Variants in LRRC20 observed in about 807,000 individuals in gnomAD.
LRRC20 encodes the protein leucine-rich repeat-containing protein 20.
LRRC20 carries 11 observed loss-of-function variants against 14.4 expected under a neutral mutation model. That is an observed-to-expected ratio of 0.77 (90% confidence interval 0.48 to 1.27). The LOEUF (loss-of-function observed/expected upper bound fraction) is 1.27, where lower values mean the gene tolerates loss of function less well. Ranked by LOEUF, LRRC20 falls within the 50% of genes most tolerant of loss-of-function variation. The pLI is 0.00. For synonymous variants in LRRC20, 121 were observed against 107.3 expected (o/e 1.13, Z -0.79); for missense variants, 219 against 251.2 (o/e 0.87, Z 0.87).
At chr10:70,350,468 A>G (rs1843258541) in intron 2 of LRRC20, among the ~76,000 whole-genome samples, 1 of 152,236 alleles carries the variant, frequency 6.6e-6, no homozygotes, top group African/African-American at 2.4e-5. Flanking sequence ...GTTAATTCTA[A>G]TGAATGCTTG....
chr10:70,338,557 A>G (rs1391819709), intron 3 of LRRC20, among the ~76,000 whole-genome samples: 1 of 152,146 alleles, frequency 6.6e-6, no homozygotes. Flanking sequence ...GGTTGTTTCC[A>G]CTTTCCAGCT....
chr10:70,315,850 G>A (rs1026194425), intron 4 of LRRC20, among the ~76,000 whole-genome samples: 1 of 152,174 alleles, frequency 6.6e-6, no homozygotes, highest in African/African-American at 2.4e-5. Flanking sequence ...TTCGTTCAGT[G>A]ACCCTATGAT....
At position 70,374,207 on chromosome 10, in the gene LRRC20, G is replaced by A. The variant is rs564855239; in HGVS notation, c.82+2245C>T. On this transcript the variant is annotated intron_variant, in intron 2 of 4. Transcript: ENST00000446961. ...GCCTGTCTCCTCACCGCTGCCTCCT[G>A]AAACATCCTCTCTCAAACAGCACCC... Among the ~76,000 whole-genome samples, 4 of 152,216 alleles carry A rather than the reference G, an allele frequency of 2.6e-5. No homozygotes were observed. The South Asian group carries it at 8.3e-4, about 32-fold the overall frequency.
At chr10:70,366,597 T>C (rs1844010157) in intron 2 of LRRC20, among the ~76,000 whole-genome samples, 1 of 152,052 alleles carries the variant, frequency 6.6e-6, no homozygotes, top group Non-Finnish European at 1.5e-5. Context: ...GTAAAAAACA[T>C]ACCGAGTGTT....
chr10:70,306,030 T>C (rs1478261302), intron 4 of LRRC20, among the ~76,000 whole-genome samples: 2 of 152,108 alleles, frequency 1.3e-5, no homozygotes, highest in African/African-American at 4.8e-5. Flanking sequence ...CGTGAGCCAC[T>C]GCGCCCGACC....
chr10:70,343,782 A>G (rs1842991584), intron 2 of LRRC20, among the ~76,000 whole-genome samples: 1 of 152,232 alleles, frequency 6.6e-6, no homozygotes. Flanking sequence ...TTTGGGTAGG[A>G]GTAGGCAGAT....
intron 3 of LRRC20, among the ~76,000 whole-genome samples, chr10:70,339,406 G>C (rs1001526856): frequency 6.6e-6 from 1 of 152,196 alleles, no homozygotes; most frequent in African/African-American, 2.4e-5. Flanking sequence ...TGTGAGGAAG[G>C]CTCCTGGAAG....
intron 1 of LRRC20, among the ~76,000 whole-genome samples, chr10:70,380,064 G>A (rs1844650750): frequency 6.6e-6 from 1 of 152,116 alleles, no homozygotes; most frequent in East Asian, 1.9e-4. Context: ...CACAAGCCAC[G>A]GACCTATGCC....
chr10:70,324,752 G>A (rs181762190), intron 3 of LRRC20, among the ~76,000 whole-genome samples: 11 of 152,286 alleles, frequency 7.2e-5, no homozygotes, highest in Non-Finnish European at 1.5e-4. Flanking sequence ...GAGGAGAGCT[G>A]GGGGGCAGGA....
At chr10:70,353,477 G>A (rs562343594) in intron 2 of LRRC20, among the ~76,000 whole-genome samples, 1 of 152,214 alleles carries the variant, frequency 6.6e-6, no homozygotes, top group South Asian at 2.1e-4. Context: ...GAGTGCAGTG[G>A]TGTAATCTCG....
rs115414638 is a variant in LRRC20, at chr10:70,355,580, A to G, written c.83-14878T>C. ...TTCTGAGACGTGGGGAAACCACTCA[A>G]CTTGAAAGTGCCAGTGGGTTTAGGG... On this transcript the variant is annotated intron_variant, in intron 2 of 4. Coordinates refer to ENST00000446961, the MANE Select transcript of LRRC20 (RefSeq NM_001278212.2). Among the ~76,000 whole-genome samples, 1,367 of 152,356 alleles carry G rather than the reference A, an allele frequency of 9.0e-3. 20 individuals carry two copies. Among genetic ancestry groups the G allele is most frequent in the African/African-American group, 0.031 (1,269 of 41,588 alleles).
intron 2 of LRRC20, among the ~76,000 whole-genome samples, chr10:70,347,647 C>A: frequency 6.6e-6 from 1 of 151,960 alleles, no homozygotes. Context: ...TGGTGAAACC[C>A]CATCTTTACT....
At chr10:70,364,272 G>T (rs1463019640) in intron 2 of LRRC20, among the ~76,000 whole-genome samples, 1 of 152,180 alleles carries the variant, frequency 6.6e-6, no homozygotes, top group Non-Finnish European at 1.5e-5. Context: ...ACCCCACCAG[G>T]CCAGAAAAGC....
chr10:70,318,757 G>A (rs200127384), intron 4 of LRRC20, among the ~76,000 whole-genome samples: 20 of 148,662 alleles, frequency 1.3e-4, no homozygotes, highest in African/African-American at 1.2e-4. Context: ...CCATCTCAAA[G>A]AAAAAAAAAA....
At chr10:70,321,004 G>A (rs1296446701) in intron 4 of LRRC20, among the ~76,000 whole-genome samples, 1 of 152,206 alleles carries the variant, frequency 6.6e-6, no homozygotes, top group African/African-American at 2.4e-5. Flanking sequence ...TCCAGCGCCA[G>A]GTTGGGGCCG....
chr10:70,358,988 C>T (rs1419889645), intron 2 of LRRC20, among the ~76,000 whole-genome samples: 4 of 152,152 alleles, frequency 2.6e-5, no homozygotes, highest in Non-Finnish European at 4.4e-5. Context: ...GGTACAAATT[C>T]GCTTTTAGGG....
chr10:70,327,853 G>A (rs141355553), intron 3 of LRRC20, among the ~76,000 whole-genome samples: 5 of 152,194 alleles, frequency 3.3e-5, no homozygotes, highest in East Asian at 1.9e-4. Flanking sequence ...TCCTCATCTC[G>A]TCCATCACTG....
chr10:70,338,098 C>T (rs1477991631), intron 3 of LRRC20, among the ~76,000 whole-genome samples: 1 of 152,180 alleles, frequency 6.6e-6, no homozygotes, highest in Non-Finnish European at 1.5e-5. Flanking sequence ...CTCTAGGAGC[C>T]TCTCCCTGTC....
chr10:70,321,014 G>A (rs1043662894), intron 4 of LRRC20, among the ~76,000 whole-genome samples: 8 of 152,298 alleles, frequency 5.3e-5, no homozygotes, highest in Admixed American at 1.3e-4. Flanking sequence ...GGTTGGGGCC[G>A]CTTTGGGGAG....
Sources: gnomAD v4.1 joint callset for allele counts (sites outside exome capture counted in the v4.1 genomes callset) on GRCh38, gnomAD v4.1.1 for gene constraint, MANE v1.5 for transcripts, NCBI Gene and HGNC (gene_info 2026-07-23, HGNC 2026-07-21) for gene names.